Variants in ACSM2B observed in about 807,000 individuals in gnomAD.
The protein encoded by ACSM2B is acyl-coenzyme A synthetase ACSM2B, mitochondrial.
Under a neutral mutation model 78.6 loss-of-function variants are expected in ACSM2B, and 58 were observed. That is an observed-to-expected ratio of 0.74 (90% CI 0.60 to 0.92). The LOEUF is 0.92. Ranked by LOEUF, ACSM2B falls within the 40% of genes least tolerant of loss-of-function variation. The pLI is 0.00. For synonymous variants in ACSM2B, 257 were observed against 256.8 expected (o/e 1.00, Z -0.01); for missense variants, 688 against 711.2 (o/e 0.97, Z 0.37).
intron 1 of ACSM2B, among the ~76,000 whole-genome samples, chr16:20,566,274 T>C (rs1207280901): frequency 3.8e-5 from 5 of 131,934 alleles, no homozygotes; most frequent in Admixed American, 8.3e-5. Flanking sequence ...TATATATATA[T>C]ATATATATAT....
chr16:20,542,263 C>T (rs1425811708), intron 12 of ACSM2B: 2 of 148,946 alleles, frequency 1.3e-5, no homozygotes, highest in Admixed American at 6.8e-5. Flanking sequence ...CCCACCCACA[C>T]ACCCTTCCCA....
chr16:20,542,337 T>C (rs1438372322), intron 12 of ACSM2B: 1 of 149,284 alleles, frequency 6.7e-6, no homozygotes, highest in African/African-American at 2.5e-5. Flanking sequence ...CTCTTACTTA[T>C]GAGTGCAAAC....
At chr16:20,557,484 C>G (rs2015510782) in intron 3 of ACSM2B, among the ~76,000 whole-genome samples, 1 of 152,170 alleles carries the variant, frequency 6.6e-6, no homozygotes, top group Admixed American at 6.5e-5. Flanking sequence ...TAACCGTTCA[C>G]CTCTTATCTG....
chr16:20,550,869 T>C (rs2015291843), intron 6 of ACSM2B, among the ~76,000 whole-genome samples: 1 of 152,152 alleles, frequency 6.6e-6, no homozygotes, highest in South Asian at 2.1e-4. Context: ...TACCATCAAG[T>C]TCTATAGGAA....
intron 4 of ACSM2B, among the ~76,000 whole-genome samples, chr16:20,554,991 C>A (rs1596719477): frequency 6.6e-6 from 1 of 152,204 alleles, no homozygotes; most frequent in Non-Finnish European, 1.5e-5. Flanking sequence ...CTGTGAGGAC[C>A]AGATGCTAAT....
intron 6 of ACSM2B, 95 bp from the exon 7 acceptor site, chr16:20,548,568 A>G: frequency 5.0e-6 from 8 of 1,598,032 alleles, no homozygotes; most frequent in Non-Finnish European, 6.8e-6. Flanking sequence ...ATGGAGTTGT[A>G]GAGGTCTGGA....
At chr16:20,565,888 G>C in intron 1 of ACSM2B, among the ~76,000 whole-genome samples, 1 of 151,612 alleles carries the variant, frequency 6.6e-6, no homozygotes, top group Non-Finnish European at 1.5e-5. Flanking sequence ...GTATAACTTA[G>C]CTCCCACTTA....
chr16:20,538,046 G>A (rs2014891570), intron 13 of ACSM2B, among the ~76,000 whole-genome samples: 2 of 152,166 alleles, frequency 1.3e-5, no homozygotes, highest in Admixed American at 6.5e-5. Context: ...AGATATGGAT[G>A]ATAAAGACGC....
chr16:20,538,841 G>A (rs2014913396), intron 13 of ACSM2B, among the ~76,000 whole-genome samples: 1 of 152,144 alleles, frequency 6.6e-6, no homozygotes, highest in South Asian at 2.1e-4. Context: ...TCCTGAGACT[G>A]TGCTATGCTG....
At chr16:20,574,043 G>T (rs1451707460) in intron 1 of ACSM2B, 3 of 152,026 alleles carry the variant, frequency 2.0e-5, no homozygotes, top group Non-Finnish European at 4.4e-5. Context: ...AGGACACCAG[G>T]GCGTATTTCA....
At chr16:20,546,757 C>G (rs1490505857) in intron 8 of ACSM2B, 1 of 361,080 alleles carries the variant, frequency 2.8e-6, no homozygotes, top group Non-Finnish European at 4.6e-6. Context: ...CATTTTAATA[C>G]GACGCTATGG....
intron 6 of ACSM2B, chr16:20,549,802 C>T (rs914497199): frequency 4.2e-5 from 19 of 450,070 alleles, no homozygotes; most frequent in African/African-American, 8.1e-5. Context: ...GGTGGGGCAA[C>T]TTGAAGCGGG....
At chr16:20,569,463 TGCTGACTATG>T (rs2016032610) in intron 1 of ACSM2B, among the ~76,000 whole-genome samples, 1 of 152,096 alleles carries the variant, frequency 6.6e-6, no homozygotes. Flanking sequence ...CATGCTGTTT[TGCTGACTATG>T]GCCTTATAGT....
At chr16:20,567,190 A>T (rs958192353) in intron 1 of ACSM2B, among the ~76,000 whole-genome samples, 1 of 132,410 alleles carries the variant, frequency 7.6e-6, no homozygotes, top group African/African-American at 2.8e-5. Context: ...ATTATAACAT[A>T]TTATACTATT....
intron 4 of ACSM2B, among the ~76,000 whole-genome samples, chr16:20,554,965 C>G (rs8062555): frequency 0.19 from 28,321 of 152,126 alleles, 6,628 homozygotes; most frequent in African/African-American, 0.55. Flanking sequence ...ATAACACCCC[C>G]AGGACAACCC....
chr16:20,537,337 T>C lies in ACSM2B; in HGVS notation c.1655A>G (p.Lys552Arg), dbSNP rs527482304. 17 of 1,614,044 alleles carry C rather than the reference T, an allele frequency of 1.1e-5. No individual in the cohort carries two copies. In the East Asian group the frequency reaches 3.8e-4, roughly 36 times the overall value. The change falls in exon 14 of 14, where the codon AAG (lysine) becomes AGG (arginine). Residue 552 changes from lysine to arginine, a missense_variant. Coordinates refer to ENST00000329697, the MANE Select transcript of ACSM2B (RefSeq NM_001105069.2). ...RKIEFVLNLP[K>R]TVTGKIQRTK... ...TCGTTGAATTTTCCCTGTGACAGTCTTGGGCAGGTTCAAGACAAACTCTAT... is the reference window on the plus strand; with the variant it reads ...TCGTTGAATTTTCCCTGTGACAGTCCTGGGCAGGTTCAAGACAAACTCTAT...
At chr16:20,544,617 A>C in intron 10 of ACSM2B, 1 of 985,284 alleles carries the variant, frequency 1.0e-6, no homozygotes, top group Non-Finnish European at 1.2e-6. Context: ...TCCACTTTCT[A>C]ATGGTTGTGA....
intron 1 of ACSM2B, among the ~76,000 whole-genome samples, chr16:20,567,018 G>T (rs1317456291): frequency 8.2e-6 from 1 of 121,838 alleles, no homozygotes; most frequent in Admixed American, 1.1e-4. Flanking sequence ...ACACCATATT[G>T]TTATATCTAT....
chr16:20,540,529 C>A (rs930991888), intron 13 of ACSM2B, 125 bp downstream of exon 13: 1 of 1,483,346 alleles, frequency 6.7e-7, no homozygotes. Flanking sequence ...AGGTGTCAGC[C>A]ACCATGTCCG....
Sources: gnomAD v4.1 joint callset for allele counts (sites outside exome capture counted in the v4.1 genomes callset) on GRCh38, gnomAD v4.1.1 for gene constraint, MANE v1.5 for transcripts, NCBI Gene and HGNC (gene_info 2026-07-23, HGNC 2026-07-21) for gene names.